The following SGPP2 variants were observed in gnomAD, a reference collection of about 807,000 sequenced individuals.
The protein encoded by SGPP2 is sphingosine 1-phosphate phosphohydrolase 2.
A neutral mutation model predicts 33.9 loss-of-function variants in SGPP2; 30 were observed. The ratio of observed to expected loss-of-function variants is 0.89; its 90% CI spans 0.66 to 1.20. SGPP2 has a LOEUF of 1.20. SGPP2 is among the 50% of genes most tolerant of loss of function. SGPP2 has a pLI of 0.00. For missense variants in SGPP2, 458 were observed against 532.1 expected (o/e 0.86, Z 1.37); for synonymous variants, 233 against 225.0 (o/e 1.04, Z -0.32).
At chr2:222,526,782 A>G (rs1045746492) in intron 4 of SGPP2, among the ~76,000 whole-genome samples, 1 of 152,174 alleles carries the variant, frequency 6.6e-6, no homozygotes, top group African/African-American at 2.4e-5. Flanking sequence ...CTAACACCAC[A>G]TGTTCTCACT....
At chr2:222,509,352 T>C (rs1255937457) in intron 2 of SGPP2, among the ~76,000 whole-genome samples, 4 of 152,150 alleles carry the variant, frequency 2.6e-5, no homozygotes, top group Non-Finnish European at 5.9e-5. Flanking sequence ...ATAACTATTA[T>C]GTATTAACAA....
At chr2:222,554,872 T>G (rs1391279991) in intron 4 of SGPP2, among the ~76,000 whole-genome samples, 2 of 152,206 alleles carry the variant, frequency 1.3e-5, no homozygotes, top group Non-Finnish European at 2.9e-5. Context: ...AATTTAAAAA[T>G]TAGCAGTAAA....
chr2:222,447,487 A>AGGT (rs1440572768), intron 1 of SGPP2, among the ~76,000 whole-genome samples: 1 of 152,150 alleles, frequency 6.6e-6, no homozygotes, highest in Non-Finnish European at 1.5e-5. Context: ...GGCATTCACG[A>AGGT]GGTTTTGTTG....
intron 4 of SGPP2, among the ~76,000 whole-genome samples, chr2:222,529,019 C>G (rs1469111727): frequency 6.6e-6 from 1 of 152,144 alleles, no homozygotes; most frequent in African/African-American, 2.4e-5. Context: ...TTATTTTTCT[C>G]CCCTTTACAT....
intron 4 of SGPP2, among the ~76,000 whole-genome samples, chr2:222,545,263 G>A (rs553297034): frequency 8.6e-5 from 13 of 150,550 alleles, no homozygotes; most frequent in African/African-American, 3.2e-4. Flanking sequence ...ACAAGTACAT[G>A]GGTTTCAAAG....
At chr2:222,546,948 T>TG (rs2106152820) in intron 4 of SGPP2, among the ~76,000 whole-genome samples, 1 of 152,114 alleles carries the variant, frequency 6.6e-6, no homozygotes, top group South Asian at 2.1e-4. Context: ...CAGTGTCACC[T>TG]GGGAGTTTGT....
At chr2:222,445,516 C>T (rs1366195003) in intron 1 of SGPP2, among the ~76,000 whole-genome samples, 1 of 152,168 alleles carries the variant, frequency 6.6e-6, no homozygotes, top group East Asian at 1.9e-4. Flanking sequence ...GACTCCTGGC[C>T]TAGAAAATTC....
intron 1 of SGPP2, among the ~76,000 whole-genome samples, chr2:222,443,309 A>ACGATC (rs1437579122): frequency 2.6e-5 from 4 of 152,160 alleles, no homozygotes; most frequent in African/African-American, 9.7e-5. Context: ...TGGGTGTCTA[A>ACGATC]CGATCCCATC....
chr2:222,478,503 CT>C (rs1345635436), intron 2 of SGPP2, among the ~76,000 whole-genome samples: 1 of 152,078 alleles, frequency 6.6e-6, no homozygotes, highest in Admixed American at 6.5e-5. Flanking sequence ...CTGAGGCAGC[CT>C]TTCTTCAGAA....
chr2:222,428,308 G>A (rs1016309688), intron 1 of SGPP2, among the ~76,000 whole-genome samples: 2 of 152,356 alleles, frequency 1.3e-5, no homozygotes, highest in African/African-American at 2.4e-5. Context: ...ACTGGGCCAG[G>A]AAGGTAAAGG....
In SGPP2 at chr2:222,476,927, T is replaced by G. The variant is rs1178540881; in HGVS notation, c.378+2201T>G. On this transcript the variant is annotated intron_variant, in intron 2 of 4. Coordinates refer to ENST00000321276, the MANE Select transcript of SGPP2 (RefSeq NM_152386.4). The surrounding 1 kb of genome is among the most constrained non-coding windows in gnomAD (Gnocchi z 4.3). ...TATATAGATGTGTATATATGTGTAT[T>G]GGAGTATATAGGTGTGTATGTATGT... 6.6e-6 allele frequency among the ~76,000 whole-genome samples: 1 copy of G among 151,670 alleles called. No individual in the cohort carries two copies. The highest frequency in any genetic ancestry group is 2.4e-5 in the African/African-American group (1 of 41,174).
intron 2 of SGPP2, among the ~76,000 whole-genome samples, chr2:222,487,124 A>G (rs550370060): frequency 1.2e-4 from 18 of 152,302 alleles, no homozygotes; most frequent in African/African-American, 4.1e-4. Flanking sequence ...CGGGATGGAC[A>G]TTGGAGAAGA....
chr2:222,477,027 GTA>G lies in SGPP2; in HGVS notation c.378+2307_378+2308del, dbSNP rs1283276799. ...TTTATGTGTGTATGTATATAGGTGT[GTA>G]TATATGTGTATGTGTGTATAGGTGT... is the stretch of plus-strand genomic sequence containing the variant. On this transcript the variant is annotated intron_variant, in intron 2 of 4. Coordinates refer to ENST00000321276, the MANE Select transcript of SGPP2 (RefSeq NM_152386.4). This position sits in a 1 kb window ranked among gnomAD's most constrained non-coding sequence, Gnocchi z 6.0. 6.6e-6 allele frequency among the ~76,000 whole-genome samples: 1 copy of G among 151,602 alleles called. No homozygotes were observed. Among genetic ancestry groups the G allele is most frequent in the Non-Finnish European group, 1.5e-5 (1 of 67,894 alleles).
At chr2:222,555,867 C>T (rs1389430690) in intron 4 of SGPP2, among the ~76,000 whole-genome samples, 1 of 152,190 alleles carries the variant, frequency 6.6e-6, no homozygotes, top group Admixed American at 6.5e-5. Context: ...GAGAGAACAT[C>T]TTTCTCCAAG....
At chr2:222,558,202 A>T in intron 4 of SGPP2, 145 bp from the exon 5 acceptor site, 1 of 902,880 alleles carries the variant, frequency 1.1e-6, no homozygotes, top group Non-Finnish European at 1.6e-6. Context: ...TTAGAACTTT[A>T]CACTTTCTTT....
In SGPP2 at chr2:222,459,321, A is replaced by AT. The variant is rs558575540; in HGVS notation, c.220-15241dup. On this transcript the variant is annotated intron_variant, in intron 1 of 4. Transcript: ENST00000321276. Reference sequence around the variant, plus strand: ...GCCACCACACCTGGCTAATTTTTATATTTTTTGTAGGGACAACAGGGTTTT... The same window carrying AT: ...GCCACCACACCTGGCTAATTTTTATATTTTTTTGTAGGGACAACAGGGTTTT... Among the ~76,000 whole-genome samples, 254 of 151,034 alleles carry AT rather than the reference A, an allele frequency of 1.7e-3. 2 individuals are homozygous for AT. The Middle Eastern group carries it at 0.017, about 10-fold the overall frequency.
At chr2:222,438,251 G>T (rs924860379) in intron 1 of SGPP2, among the ~76,000 whole-genome samples, 1 of 152,204 alleles carries the variant, frequency 6.6e-6, no homozygotes, top group African/African-American at 2.4e-5. Context: ...ATTTTACTGA[G>T]GTAGAAGCTC....
At chr2:222,496,976 T>A (rs1433595460) in intron 2 of SGPP2, among the ~76,000 whole-genome samples, 1 of 152,204 alleles carries the variant, frequency 6.6e-6, no homozygotes, top group African/African-American at 2.4e-5. Flanking sequence ...AAAGAGGTCA[T>A]TGCAGTTCAG....
chr2:222,452,594 A>G (rs1431444287), intron 1 of SGPP2: 7 of 1,302,410 alleles, frequency 5.4e-6, no homozygotes, highest in Non-Finnish European at 7.8e-6. Context: ...TATAGAAGGG[A>G]CTGTTCCAGG....
Sources: gnomAD v4.1 joint callset for allele counts (sites outside exome capture counted in the v4.1 genomes callset) on GRCh38, gnomAD v4.1.1 for gene constraint, Gnocchi (gnomAD v3.1) non-coding constraint, MANE v1.5 for transcripts, NCBI Gene and HGNC (gene_info 2026-07-23, HGNC 2026-07-21) for gene names.